SORCS1: variants seen among roughly 807,000 people sequenced by gnomAD.
The protein encoded by SORCS1 is sortilin related VPS10 domain containing receptor 1.
Under a neutral mutation model 146.1 loss-of-function variants are expected in SORCS1, and 60 were observed. The observed-to-expected ratio is 0.41, with a 90% confidence interval of 0.33 to 0.51. The LOEUF (loss-of-function observed/expected upper bound fraction) is 0.51, where lower values mean the gene tolerates loss of function less well. Ranked by LOEUF, SORCS1 falls within the 20% of genes least tolerant of loss-of-function variation. SORCS1 has a pLI of 0.21. For missense variants in SORCS1, 1,352 were observed against 1,487.6 expected (o/e 0.91, Z 1.50); for synonymous variants, 637 against 584.0 (o/e 1.09, Z -1.31).
chr10:107,108,569 G>T (rs1965467142), intron 1 of SORCS1, among the ~76,000 whole-genome samples: 1 of 152,050 alleles, frequency 6.6e-6, no homozygotes, highest in Non-Finnish European at 1.5e-5. Context: ...CTCCCACCAG[G>T]CCCCACCTCA....
intron 1 of SORCS1, among the ~76,000 whole-genome samples, chr10:107,082,147 T>TAAG (rs1963377502): frequency 6.9e-6 from 1 of 144,020 alleles, no homozygotes; most frequent in Non-Finnish European, 1.6e-5. Flanking sequence ...ACACCTGCAC[T>TAAG]TTCGGAAACT....
chr10:106,685,597 T>C (rs1484518322), intron 10 of SORCS1, among the ~76,000 whole-genome samples: 1 of 151,966 alleles, frequency 6.6e-6, no homozygotes. Flanking sequence ...TTATAACAAA[T>C]GCAAAGACCC....
chr10:106,631,003 A>C lies in SORCS1; in HGVS notation c.2476-1615T>G, dbSNP rs114774638. Among the ~76,000 whole-genome samples, 282 of 152,376 alleles carry C rather than the reference A, an allele frequency of 1.9e-3. 5 individuals carry two copies. The highest frequency in any genetic ancestry group is 6.6e-3 in the African/African-American group (273 of 41,596). ...TGTTAGCCTTTCCCACTTTCAGGAA[A>C]GAAAAAAACAAAAACCTTTGAACTA... On this transcript the variant is annotated intron_variant, in intron 18 of 25. Transcript: ENST00000263054.
intron 1 of SORCS1, among the ~76,000 whole-genome samples, chr10:107,141,104 TTTC>T (rs1967799685): frequency 6.6e-6 from 1 of 152,210 alleles, no homozygotes; most frequent in African/African-American, 2.4e-5. Context: ...CTCAGAGATC[TTTC>T]TTCTTCGTAA....
intron 1 of SORCS1, among the ~76,000 whole-genome samples, chr10:106,973,019 T>A (rs1313229619): frequency 6.6e-6 from 1 of 152,194 alleles, no homozygotes; most frequent in Non-Finnish European, 1.5e-5. Flanking sequence ...GTCATCTTTG[T>A]ATCACATTCA....
intron 23 of SORCS1, among the ~76,000 whole-genome samples, chr10:106,599,916 C>G (rs984557980): frequency 1.3e-5 from 2 of 151,944 alleles, no homozygotes; most frequent in African/African-American, 4.8e-5. Flanking sequence ...GGATTACAGG[C>G]GCCTGCCACC....
intron 2 of SORCS1, among the ~76,000 whole-genome samples, chr10:106,866,772 A>C (rs1056010423): frequency 1.3e-5 from 2 of 152,246 alleles, no homozygotes; most frequent in South Asian, 4.1e-4. Flanking sequence ...CCCACTTGCT[A>C]AAAGAAGTCA....
At chr10:106,845,169 AATGGT>A (rs1949266145) in intron 2 of SORCS1, among the ~76,000 whole-genome samples, 1 of 108,316 alleles carries the variant, frequency 9.2e-6, no homozygotes, top group South Asian at 3.7e-4. Context: ...TGACTTCCAC[AATGGT>A]TGAACTAGTT....
chr10:106,997,121 C>T (rs1957035641), intron 1 of SORCS1, among the ~76,000 whole-genome samples: 1 of 151,952 alleles, frequency 6.6e-6, no homozygotes, highest in South Asian at 2.1e-4. Context: ...AGGCAGGTAC[C>T]ACATTAAATT....
intron 1 of SORCS1, among the ~76,000 whole-genome samples, chr10:107,069,184 T>C (rs1962197699): frequency 6.6e-6 from 1 of 152,102 alleles, no homozygotes; most frequent in Non-Finnish European, 1.5e-5. Flanking sequence ...GCTAAGGTGG[T>C]CATCCCGGAT....
At chr10:106,797,868 A>G (rs1320138166) in intron 3 of SORCS1, among the ~76,000 whole-genome samples, 2 of 152,130 alleles carry the variant, frequency 1.3e-5, no homozygotes, top group Admixed American at 6.5e-5. Context: ...TAACCACATA[A>G]TCCTCTAAAA....
At chr10:106,925,641 C>G (rs993176166) in intron 2 of SORCS1, among the ~76,000 whole-genome samples, 4 of 152,204 alleles carry the variant, frequency 2.6e-5, no homozygotes, top group Non-Finnish European at 5.9e-5. Context: ...GCTCAAACAA[C>G]AAGCTTTCAC....
chr10:107,165,027 C>A (rs1970004108), upstream of SORCS1, among the ~76,000 whole-genome samples: 1 of 151,768 alleles, frequency 6.6e-6, no homozygotes, highest in Non-Finnish European at 1.5e-5. This position sits in a 1 kb window ranked among gnomAD's most constrained non-coding sequence, Gnocchi z 4.0. Context: ...ACCCCGGGCT[C>A]CCGGAGCAGT....
chr10:106,733,481 T>C lies in SORCS1; in HGVS notation c.960-3367A>G, dbSNP rs74450934. Among the ~76,000 whole-genome samples the C allele has an allele frequency of 2.4e-3, 363 of 152,314 alleles. 1 individual carries two copies. The highest frequency in any genetic ancestry group is 0.016 in the East Asian group (82 of 5,178). ...ATAAGTGCTGATTTTAACGGTCCTG[T>C]CATTGACCAGATACCTTAGAAAAGC... On this transcript the variant is annotated intron_variant, in intron 5 of 25. Coordinates refer to ENST00000263054, the MANE Select transcript of SORCS1 (RefSeq NM_052918.5).
chr10:107,089,092 T>G (rs2134294150), intron 1 of SORCS1, among the ~76,000 whole-genome samples: 1 of 152,312 alleles, frequency 6.6e-6, no homozygotes, highest in African/African-American at 2.4e-5. Flanking sequence ...ACTGCTAACC[T>G]CTAAAACATC....
chr10:107,140,141 C>G (rs1967689528), intron 1 of SORCS1, among the ~76,000 whole-genome samples: 1 of 152,176 alleles, frequency 6.6e-6, no homozygotes, highest in Non-Finnish European at 1.5e-5. Context: ...TTTCTGTTAT[C>G]TACCATTCAA....
At chr10:106,707,010 G>A (rs1437020204) in intron 7 of SORCS1, among the ~76,000 whole-genome samples, 1 of 151,954 alleles carries the variant, frequency 6.6e-6, no homozygotes, top group Admixed American at 6.6e-5. Context: ...GAATGAAATG[G>A]CCCAACCCAA....
intron 1 of SORCS1, among the ~76,000 whole-genome samples, chr10:107,092,348 G>C (rs1964242312): frequency 1.3e-5 from 2 of 152,206 alleles, no homozygotes. Flanking sequence ...TGAGAGACAA[G>C]AATTCTTCAG....
intron 2 of SORCS1, among the ~76,000 whole-genome samples, chr10:106,842,702 C>T (rs1018799684): frequency 2.1e-4 from 32 of 152,114 alleles, no homozygotes; most frequent in East Asian, 3.9e-4. Context: ...CTACAACCTC[C>T]GCCTCCCAGT....
Sources: gnomAD v4.1 joint callset for allele counts (sites outside exome capture counted in the v4.1 genomes callset) on GRCh38, gnomAD v4.1.1 for gene constraint, Gnocchi (gnomAD v3.1) non-coding constraint, MANE v1.5 for transcripts, NCBI Gene and HGNC (gene_info 2026-07-23, HGNC 2026-07-21) for gene names.